The following AMN1 variants were observed in gnomAD, a reference collection of about 807,000 sequenced individuals.
AMN1 encodes the protein antagonist of mitotic exit network 1 homolog, also known as protein AMN1 homolog.
A neutral mutation model predicts 33.0 loss-of-function variants in AMN1; 20 were observed. The observed-to-expected ratio is 0.61, with a 90% CI of 0.43 to 0.88. The LOEUF is 0.88. Ranked by LOEUF, AMN1 falls within the 40% of genes least tolerant of loss-of-function variation. The pLI is 0.00. For synonymous variants in AMN1, 114 were observed against 111.9 expected (o/e 1.02, Z -0.12); for missense variants, 246 against 307.4 (o/e 0.80, Z 1.49).
At chr12:31,712,483 T>C (rs1027147634) in intron 1 of AMN1, among the ~76,000 whole-genome samples, 3 of 152,162 alleles carry the variant, frequency 2.0e-5, no homozygotes, top group African/African-American at 2.4e-5. Context: ...CTTGACCTCG[T>C]GATCTGCCTG....
At chr12:31,696,028 A>C (rs1037304286) in intron 5 of AMN1, among the ~76,000 whole-genome samples, 3 of 151,622 alleles carry the variant, frequency 2.0e-5, no homozygotes, top group African/African-American at 7.2e-5. Flanking sequence ...GGATCACCTG[A>C]GGTCAGAAGT....
At position 31,671,984 on chromosome 12, in the gene AMN1, T is replaced by G. The variant is rs1315565208; in HGVS notation, c.*320A>C. ...AATACCTACATAGGAGAAGGAAATC[T>G]CAAGGGAAAACAGTTAATTTTAAAG... On this transcript the variant is annotated 3_prime_UTR_variant, in exon 7 of 7. Coordinates refer to ENST00000281471, the MANE Select transcript of AMN1 (RefSeq NM_001113402.2). 1 of 205,138 alleles carries G rather than the reference T, an allele frequency of 4.9e-6. No individual in the cohort carries two copies. The highest frequency in any genetic ancestry group is 2.3e-5 in the African/African-American group (1 of 43,028). 12.7% of individuals were successfully genotyped at this position (205,138 alleles called of 1,614,324 possible). A position where few individuals can be genotyped will look rare whatever the true frequency, so the allele number is the denominator to read the frequency against.
chr12:31,705,925 C>T (rs991141990), intron 2 of AMN1, among the ~76,000 whole-genome samples: 1 of 152,132 alleles, frequency 6.6e-6, no homozygotes, highest in Non-Finnish European at 1.5e-5. Context: ...CTATAAAATC[C>T]CCAGCAAGCC....
chr12:31,676,488 AT>A (rs550043444), intron 6 of AMN1, among the ~76,000 whole-genome samples: 70 of 150,510 alleles, frequency 4.7e-4, no homozygotes, highest in Middle Eastern at 3.4e-3. Context: ...CCCCCAGCTA[AT>A]TTTTTTGTAT....
In AMN1 at chr12:31,688,988, A is replaced by C. The variant is rs754299330; in HGVS notation, c.703+19T>G. On this transcript the variant is annotated intron_variant, in intron 6 of 6. Coordinates refer to ENST00000281471, the MANE Select transcript of AMN1 (RefSeq NM_001113402.2). ...AAGATGAAGCCAGAATTTGAACCCA[A>C]GCAATCTATTGCACTAACCTGTTAT... 1 of 1,539,832 alleles carries C rather than the reference A, an allele frequency of 6.5e-7. No homozygotes were observed. The highest frequency in any genetic ancestry group is 1.7e-5 in the Admixed American group (1 of 57,876).
At chr12:31,695,643 G>A (rs1938692929) in intron 5 of AMN1, among the ~76,000 whole-genome samples, 1 of 151,644 alleles carries the variant, frequency 6.6e-6, no homozygotes, top group Non-Finnish European at 1.5e-5. Context: ...CTGCCACCAT[G>A]CCCAGCTAAT....
chr12:31,693,692 G>A (rs1410651254), intron 5 of AMN1, among the ~76,000 whole-genome samples: 4 of 151,502 alleles, frequency 2.6e-5, no homozygotes, highest in Admixed American at 2.6e-4. Context: ...ACAGGCATGC[G>A]CCACCACACC....
chr12:31,701,505 C>T (rs10743764), intron 3 of AMN1, among the ~76,000 whole-genome samples: 146,106 of 152,142 alleles, frequency 0.96, 70,450 homozygotes, highest in East Asian at 1. Context: ...CGGGGGCGGT[C>T]CATCATGCTG....
rs117034378 is a variant in AMN1, at chr12:31,725,217, T to C, written c.38+3754A>G. Reference sequence around the variant, plus strand: ...AATGTTTGTCCTAAAAATCAAAATGTTTGTCCTGATAGCTGTTTATTTAGA... The same window carrying C: ...AATGTTTGTCCTAAAAATCAAAATGCTTGTCCTGATAGCTGTTTATTTAGA... On this transcript the variant is annotated intron_variant, in intron 1 of 6. Coordinates refer to ENST00000281471, the MANE Select transcript of AMN1 (RefSeq NM_001113402.2). Among the ~76,000 whole-genome samples the C allele has an allele frequency of 4.0e-4, 61 of 152,276 alleles. 1 individual carries two copies. The East Asian group carries it at 0.011, about 28-fold the overall frequency.
chr12:31,707,270 A>G (rs1265074818), intron 2 of AMN1, among the ~76,000 whole-genome samples: 1 of 152,226 alleles, frequency 6.6e-6, no homozygotes, highest in East Asian at 1.9e-4. Context: ...CTACAGTCAC[A>G]ATGTAACGTA....
Position 31,709,414 on chromosome 12 carries a change from C to A in AMN1, c.50G>T (p.Cys17Phe), listed in dbSNP as rs764548854. The A allele has an allele frequency of 1.9e-6, 3 of 1,612,254 alleles. No homozygotes were observed. The African/African-American group carries it at 4.0e-5, about 22-fold the overall frequency. The part of the protein sequence containing the change: ...VSQLLDLCLW[C>F]FMKNISRYLT... Reference sequence around the variant, plus strand: ...ATATCTGGAAATATTCTTCATGAAGCACCAAAGGCATCTGAAATACAAATA... The same window carrying A: ...ATATCTGGAAATATTCTTCATGAAGAACCAAAGGCATCTGAAATACAAATA... The change falls in exon 2 of 7, where the codon TGC becomes TTC. Residue 17 changes from cysteine (C) to phenylalanine (F), a missense_variant. Cys to Phe is a radical substitution (Grantham distance 205, BLOSUM62 -2). Transcript: ENST00000281471.
At chr12:31,689,809 ATAAG>A (rs1258526568) in intron 5 of AMN1, among the ~76,000 whole-genome samples, 1 of 152,218 alleles carries the variant, frequency 6.6e-6, no homozygotes, top group African/African-American at 2.4e-5. Flanking sequence ...ATTTGGTTAC[ATAAG>A]TAAGTTCTTT....
At chr12:31,720,018 T>A (rs1939822576) in intron 1 of AMN1, among the ~76,000 whole-genome samples, 1 of 152,244 alleles carries the variant, frequency 6.6e-6, no homozygotes, top group African/African-American at 2.4e-5. Flanking sequence ...TATTTCATTG[T>A]GTGAATATAC....
chr12:31,684,635 T>C (rs991167587), intron 6 of AMN1, among the ~76,000 whole-genome samples: 1 of 152,086 alleles, frequency 6.6e-6, no homozygotes, highest in Non-Finnish European at 1.5e-5. Context: ...CATGCCCGGC[T>C]AATTTTTTTG....
rs370162995 is a variant in AMN1 at position 31,703,818 on chromosome 12, C to CAA, written c.172-1812_172-1811insTT. On this transcript the variant is annotated intron_variant, in intron 2 of 6. Coordinates refer to ENST00000281471, the MANE Select transcript of AMN1 (RefSeq NM_001113402.2). ...TACACTGGCAAACACTTGAGTTGAA[C>CAA]ATTTAGGTTGCTTTAGGTAGGCAAT... 4.7e-3 allele frequency among the ~76,000 whole-genome samples: 712 copies of CAA among 152,198 alleles called. 7 individuals are homozygous for CAA. Among genetic ancestry groups the CAA allele is most frequent in the African/African-American group, 0.016 (663 of 41,538 alleles).
chr12:31,677,026 C>T (rs1338554358), intron 6 of AMN1, among the ~76,000 whole-genome samples: 1 of 151,660 alleles, frequency 6.6e-6, no homozygotes, highest in Admixed American at 6.6e-5. Flanking sequence ...TGGCCGGGCG[C>T]GGCGGCTCAC....
chr12:31,726,095 T>C lies in AMN1; in HGVS notation c.38+2876A>G, dbSNP rs1261263069. Among the ~76,000 whole-genome samples the C allele has an allele frequency of 2.6e-5, 4 of 152,290 alleles. No homozygotes were observed. The East Asian group carries it at 7.7e-4, about 29-fold the overall frequency. Reference sequence around the variant, plus strand: ...TGATTCATTTTCCCCGTAAGACACTTCTTCCTCCATAATAGTCTAATCACC... The same window carrying C: ...TGATTCATTTTCCCCGTAAGACACTCCTTCCTCCATAATAGTCTAATCACC... On this transcript the variant is annotated intron_variant, in intron 1 of 6. Coordinates refer to ENST00000281471, the MANE Select transcript of AMN1 (RefSeq NM_001113402.2).
rs1939386877 is a variant in AMN1, at chr12:31,709,491, T to C, written c.39-66A>G. 4 of 1,532,480 alleles carry C rather than the reference T, an allele frequency of 2.6e-6. No homozygotes were observed. The African/African-American group carries it at 4.1e-5, about 16-fold the overall frequency. 94.9% of individuals were successfully genotyped at this position (1,532,480 alleles called of 1,614,324 possible). Reference sequence around the variant, plus strand: ...TACTGATTCCTAACACTTGTCTTAATGCTATTTGTTAGCACTTAGCCCTTT... The same window carrying C: ...TACTGATTCCTAACACTTGTCTTAACGCTATTTGTTAGCACTTAGCCCTTT... On this transcript the variant is annotated intron_variant, in intron 1 of 6. Transcript: ENST00000281471.
rs1208968318 is a variant in AMN1 at position 31,687,550 on chromosome 12, G to A, written c.703+1457C>T. The stretch of plus-strand genomic sequence containing the variant: ...ATACAAAAATTAGTTGGATGTGGTG[G>A]CATGCGCCTGTAGTCCCAGCTACTT... On this transcript the variant is annotated intron_variant, in intron 6 of 6. Transcript: ENST00000281471. The surrounding 1 kb of genome is among the most constrained non-coding windows in gnomAD (Gnocchi z 4.1). Among the ~76,000 whole-genome samples, 3 of 152,084 alleles carry A rather than the reference G, an allele frequency of 2.0e-5. No homozygotes were observed. Among genetic ancestry groups the A allele is most frequent in the Non-Finnish European group, 4.4e-5 (3 of 68,010 alleles).
Sources: gnomAD v4.1 joint callset for allele counts (sites outside exome capture counted in the v4.1 genomes callset) on GRCh38, gnomAD v4.1.1 for gene constraint, Gnocchi (gnomAD v3.1) non-coding constraint, MANE v1.5 for transcripts, NCBI Gene and HGNC (gene_info 2026-07-23, HGNC 2026-07-21) for gene names.